Variants in SEMA6D observed in about 807,000 individuals in gnomAD.
SEMA6D encodes the protein semaphorin 6D.
Under a neutral mutation model 106.6 loss-of-function variants are expected in SEMA6D, and 35 were observed. That is an observed-to-expected ratio of 0.33 (90% CI 0.25 to 0.44). The LOEUF (loss-of-function observed/expected upper bound fraction) is 0.44, where lower values mean the gene tolerates loss of function less well. Among genes scored for constraint, SEMA6D ranks in the 20% least tolerant of loss-of-function variants. The probability of loss-of-function intolerance (pLI) is 1.00; values close to 1 mark genes in which losing one functional copy is unlikely to be tolerated. For synonymous variants in SEMA6D, 499 were observed against 487.7 expected, an observed-to-expected ratio of 1.02 and a Z score of -0.31; for missense variants, 1,185 against 1,345.9, an observed-to-expected ratio of 0.88 and a Z score of 1.87.
chr15:47,552,621 G>A (rs1351290742), intron 3 of SEMA6D, among the ~76,000 whole-genome samples: 2 of 146,806 alleles, frequency 1.4e-5, no homozygotes, highest in African/African-American at 5.0e-5. Flanking sequence ...CATATTTTAG[G>A]TTTCTCGGGG....
At chr15:47,203,998 A>G (rs1445280478) in intron 1 of SEMA6D, among the ~76,000 whole-genome samples, 1 of 152,224 alleles carries the variant, frequency 6.6e-6, no homozygotes, top group Non-Finnish European at 1.5e-5. Context: ...ACCATAAGCT[A>G]TTAATTACAA....
intron 3 of SEMA6D, among the ~76,000 whole-genome samples, chr15:47,549,030 C>A (rs181618795): frequency 3.3e-5 from 5 of 152,112 alleles, no homozygotes; most frequent in African/African-American, 1.2e-4. Context: ...TTGCTGAAGA[C>A]CATTACACTT....
At chr15:47,717,807 G>A (rs1359372266) in intron 1 of SEMA6D, 115 bp downstream of exon 1, 1 of 143,808 alleles carries the variant, frequency 7.0e-6, no homozygotes, top group Non-Finnish European at 1.5e-5. Context: ...GCGCGGTGGG[G>A]GTCGGAACCT....
intron 1 of SEMA6D, among the ~76,000 whole-genome samples, chr15:47,291,138 G>A (rs1382065292): frequency 3.3e-5 from 5 of 152,220 alleles, no homozygotes; most frequent in Non-Finnish European, 5.9e-5. Flanking sequence ...GCAAATTAAT[G>A]GAGAAAAAAA....
intron 3 of SEMA6D, among the ~76,000 whole-genome samples, chr15:47,517,578 T>C (rs2044429329): frequency 6.6e-6 from 1 of 152,196 alleles, no homozygotes; most frequent in Admixed American, 6.5e-5. Flanking sequence ...ATTTTTGTTT[T>C]TGTTGGTCGT....
chr15:47,557,503 G>T (rs1402065538), intron 3 of SEMA6D, among the ~76,000 whole-genome samples: 1 of 152,120 alleles, frequency 6.6e-6, no homozygotes, highest in Non-Finnish European at 1.5e-5. Flanking sequence ...AGCTAGAATG[G>T]CCTGCATTAG....
At chr15:47,384,575 A>G (rs1335550207) in intron 1 of SEMA6D, among the ~76,000 whole-genome samples, 1 of 152,170 alleles carries the variant, frequency 6.6e-6, no homozygotes, top group Non-Finnish European at 1.5e-5. Context: ...GCAAAGGACT[A>G]ATCAGCTACC....
At chr15:47,226,145 G>C (rs2031649286) in intron 1 of SEMA6D, among the ~76,000 whole-genome samples, 1 of 152,082 alleles carries the variant, frequency 6.6e-6, no homozygotes, top group Non-Finnish European at 1.5e-5. Context: ...TGAAAATAAA[G>C]GTAGCTATTA....
chr15:47,686,809 T>TAGTC (rs1219916554), intron 4 of SEMA6D, among the ~76,000 whole-genome samples: 1 of 152,146 alleles, frequency 6.6e-6, no homozygotes, highest in Non-Finnish European at 1.5e-5. Context: ...CTCACACCTG[T>TAGTC]AGTCCCAGCA....
intron 2 of SEMA6D, among the ~76,000 whole-genome samples, chr15:47,430,545 CT>C (rs1229463257): frequency 6.6e-6 from 1 of 152,064 alleles, no homozygotes; most frequent in African/African-American, 2.4e-5. Context: ...CTAATGTGGG[CT>C]GGGTCTCCTG....
rs78715622 is a variant in SEMA6D, at chr15:47,348,525, C to T, written c.-238-63868C>T. Among the ~76,000 whole-genome samples, 1,058 of 152,098 alleles carry T rather than the reference C, an allele frequency of 7.0e-3. 12 individuals carry two copies. Among genetic ancestry groups the T allele is most frequent in the African/African-American group, 0.021 (863 of 41,458 alleles). Reference sequence around the variant, plus strand: ...CAAAGTCCAAAATTTCTTGAGCACCCACATGATACCACAAGTGGAAAATTC... The same window carrying T: ...CAAAGTCCAAAATTTCTTGAGCACCTACATGATACCACAAGTGGAAAATTC... On this transcript the variant is annotated intron_variant, in intron 1 of 19. Coordinates refer to the SEMA6D transcript ENST00000558014.
rs139629068 is a variant in SEMA6D at position 47,359,622 on chromosome 15, C to T, written c.-238-52771C>T. On this transcript the variant is annotated intron_variant, in intron 1 of 19. Transcript: ENST00000558014. ...TGAAAGTTACCTTAAAATTCAGATA[C>T]CAACTAAAATAATCTCTCCAGGGAT... 3.6e-3 allele frequency: 546 copies of T among 152,110 alleles called. 4 individuals carry two copies. Among genetic ancestry groups the T allele is most frequent in the African/African-American group, 0.012 (516 of 41,512 alleles). 9.4% of individuals were successfully genotyped at this position (152,110 alleles called of 1,614,324 possible). A position where few individuals can be genotyped will look rare whatever the true frequency, so the allele number is the denominator to read the frequency against.
chr15:47,560,792 A>G (rs1376750912), intron 3 of SEMA6D, among the ~76,000 whole-genome samples: 7 of 152,040 alleles, frequency 4.6e-5, no homozygotes, highest in Non-Finnish European at 1.0e-4. Flanking sequence ...TTGTGTCCTT[A>G]TAAAAGGGGG....
intron 11 of SEMA6D, 99 bp downstream of exon 11, chr15:47,764,404 A>T: frequency 7.0e-7 from 1 of 1,420,010 alleles, no homozygotes. Flanking sequence ...CTCCCACACC[A>T]GGAAGGGGTC....
At chr15:47,327,604 A>G (rs1008901468) in intron 1 of SEMA6D, among the ~76,000 whole-genome samples, 1 of 152,246 alleles carries the variant, frequency 6.6e-6, no homozygotes, top group Non-Finnish European at 1.5e-5. Flanking sequence ...ACTTATAAGT[A>G]GAAAATATAA....
At chr15:47,693,860 C>G (rs1356922995) in intron 4 of SEMA6D, among the ~76,000 whole-genome samples, 1 of 151,996 alleles carries the variant, frequency 6.6e-6, no homozygotes, top group Non-Finnish European at 1.5e-5. Context: ...GGATTGATCA[C>G]TTGAGCCCAA....
intron 4 of SEMA6D, among the ~76,000 whole-genome samples, chr15:47,615,527 C>T (rs910041585): frequency 3.3e-5 from 5 of 152,116 alleles, no homozygotes; most frequent in Non-Finnish European, 5.9e-5. Context: ...ACGAAACTGT[C>T]TTCTTGTGTT....
intron 1 of SEMA6D, among the ~76,000 whole-genome samples, chr15:47,219,532 T>A (rs184831277): frequency 2.0e-5 from 3 of 152,194 alleles, no homozygotes; most frequent in Non-Finnish European, 1.5e-5. Context: ...CAAACACAAA[T>A]GTGAAGTATT....
At chr15:47,292,602 G>A (rs1349078249) in intron 1 of SEMA6D, among the ~76,000 whole-genome samples, 1 of 152,108 alleles carries the variant, frequency 6.6e-6, no homozygotes, top group African/African-American at 2.4e-5. Flanking sequence ...AGCTAGCTTG[G>A]TGCACACATG....
Sources: allele counts gnomAD v4.1 joint callset (sites outside exome capture counted in the v4.1 genomes callset), GRCh38; gene constraint gnomAD v4.1.1; transcripts MANE v1.5; gene names NCBI Gene and HGNC (gene_info 2026-07-23, HGNC 2026-07-21).